The following LMOD1 variants were observed in gnomAD, a reference collection of about 807,000 sequenced individuals.
The protein encoded by LMOD1 is leiomodin 1, also known as leiomodin-1.
A neutral mutation model predicts 36.5 loss-of-function variants in LMOD1; 8 were observed. That is an observed-to-expected ratio of 0.22 (90% CI 0.13 to 0.40). The LOEUF is 0.40. Ranked by LOEUF, LMOD1 falls within the 10% of genes least tolerant of loss-of-function variation. LMOD1 has a pLI of 1.00. For synonymous variants in LMOD1, 284 were observed against 288.7 expected (o/e 0.98, Z 0.17); for missense variants, 630 against 751.1 (o/e 0.84, Z 1.88).
intron 1 of LMOD1, among the ~76,000 whole-genome samples, chr1:201,918,578 C>T (rs938892379): frequency 1.4e-4 from 21 of 152,160 alleles, no homozygotes; most frequent in Admixed American, 1.4e-3. Context: ...CCATGCTGGG[C>T]TCTCTTGGGT....
chr1:201,927,451 A>C (rs1412993703), intron 1 of LMOD1, among the ~76,000 whole-genome samples: 2 of 152,112 alleles, frequency 1.3e-5, no homozygotes, highest in African/African-American at 2.4e-5. Context: ...CTGTAATCCC[A>C]GCTACTCAGG....
chr1:201,931,548 A>AAG (rs1681922787), intron 1 of LMOD1, among the ~76,000 whole-genome samples: 2 of 151,686 alleles, frequency 1.3e-5, no homozygotes, highest in Admixed American at 1.3e-4. Flanking sequence ...AAAAAAAAAA[A>AAG]AAAAAAGGGA....
rs1280095456 is a variant in LMOD1 at position 201,934,171 on chromosome 1, G to A, written c.261+11909C>T. Among the ~76,000 whole-genome samples, 5 of 152,204 alleles carry A rather than the reference G, an allele frequency of 3.3e-5. No homozygotes were observed. In the South Asian group the frequency reaches 6.2e-4, roughly 19 times the overall value. ...CTCATGCCAGATTTCATGTCCGGAA[G>A]TACTTTCATGTTTTCTCTGCCCTCA... On this transcript the variant is annotated intron_variant, in intron 1 of 2. Transcript: ENST00000367288.
At chr1:201,912,312 C>G (rs1681508361) in intron 1 of LMOD1, among the ~76,000 whole-genome samples, 1 of 152,156 alleles carries the variant, frequency 6.6e-6, no homozygotes, top group African/African-American at 2.4e-5. Context: ...TACTCATGGT[C>G]CAGGATCAAT....
rs939849634 is a variant in LMOD1, at chr1:201,939,994, C to A, written c.261+6086G>T. Among the ~76,000 whole-genome samples, 3 of 152,098 alleles carry A rather than the reference C, an allele frequency of 2.0e-5. No individual in the cohort carries two copies. The East Asian group carries it at 5.8e-4, about 29-fold the overall frequency. ...GTCCCAGCCTGGGGACCATGAAGCT[C>A]CCAGAATCCCTGAAGCCTCCAGCCT... is the stretch of plus-strand genomic sequence containing the variant. On this transcript the variant is annotated intron_variant, in intron 1 of 2. Coordinates refer to ENST00000367288, the MANE Select transcript of LMOD1 (RefSeq NM_012134.3).
chr1:201,929,892 G>T (rs1681890169), intron 1 of LMOD1, among the ~76,000 whole-genome samples: 1 of 152,180 alleles, frequency 6.6e-6, no homozygotes, highest in African/African-American at 2.4e-5. Context: ...ACTTGCAGGA[G>T]GTGCTTTGTG....
intron 1 of LMOD1, among the ~76,000 whole-genome samples, chr1:201,911,981 G>A (rs1219367044): frequency 6.6e-6 from 1 of 152,200 alleles, no homozygotes; most frequent in Non-Finnish European, 1.5e-5. Flanking sequence ...AGGCCTGGCT[G>A]AGCACTAACA....
chr1:201,913,570 G>A (rs1288715812), intron 1 of LMOD1, among the ~76,000 whole-genome samples: 2 of 152,184 alleles, frequency 1.3e-5, no homozygotes, highest in Non-Finnish European at 2.9e-5. Context: ...TTGCACGACT[G>A]CACTCCAGCC....
chr1:201,929,548 T>C (rs960722735), intron 1 of LMOD1, among the ~76,000 whole-genome samples: 10 of 152,238 alleles, frequency 6.6e-5, no homozygotes, highest in Admixed American at 1.3e-4. Context: ...ACTGATTTAA[T>C]TGGTTATTTT....
In LMOD1 at chr1:201,899,489, G is replaced by A; in HGVS notation, c.1524C>T (p.Ser508=). The change falls in exon 2 of 3, where the codon TCC becomes TCT. Residue 508 remains serine (S), a synonymous_variant. Coordinates refer to ENST00000367288, the MANE Select transcript of LMOD1 (RefSeq NM_012134.3). The surrounding 1 kb of genome is among the most constrained non-coding windows in gnomAD (Gnocchi z 6.3). ...VPKAGAVAKG[S]PKPSPQPSPK... is the part of the protein sequence containing the mutation. The stretch of plus-strand genomic sequence containing the variant: ...GAGATGGTTGAGGTGAAGGTTTTGG[G>A]GAGCCCTTAGCCACGGCCCCGGCCT... 3 of 1,613,988 alleles carry A rather than the reference G, an allele frequency of 1.9e-6. No homozygotes were observed. Among genetic ancestry groups the A allele is most frequent in the South Asian group, 1.1e-5 (1 of 91,076 alleles).
chr1:201,942,666 C>G (rs1455071120), intron 1 of LMOD1, among the ~76,000 whole-genome samples: 1 of 151,248 alleles, frequency 6.6e-6, no homozygotes, highest in Non-Finnish European at 1.5e-5. Flanking sequence ...ATGTTGGTTT[C>G]TTTCTTTCTT....
At position 201,929,000 on chromosome 1, in the gene LMOD1, G is replaced by A. The variant is rs1314492538; in HGVS notation, c.261+17080C>T. Among the ~76,000 whole-genome samples the A allele has an allele frequency of 3.3e-5, 5 of 152,158 alleles. No individual in the cohort carries two copies. In the East Asian group the frequency reaches 9.6e-4, roughly 29 times the overall value. ...CCCAAAGTGCTGGGATTGCAGGCAT[G>A]AGCCACCACACCCGGCCTGCAAAAA... On this transcript the variant is annotated intron_variant, in intron 1 of 2. Transcript: ENST00000367288.
At chr1:201,934,122 G>T (rs1383665288) in intron 1 of LMOD1, among the ~76,000 whole-genome samples, 1 of 152,216 alleles carries the variant, frequency 6.6e-6, no homozygotes, top group Non-Finnish European at 1.5e-5. Context: ...AGCTCTGGCA[G>T]CTGGCTGTTG....
intron 1 of LMOD1, among the ~76,000 whole-genome samples, chr1:201,924,575 AGGAAGGAAGGAGGGAGGGAG>A (rs1325291187): frequency 7.8e-6 from 1 of 128,262 alleles, no homozygotes; most frequent in Non-Finnish European, 1.7e-5. Flanking sequence ...GAGGGAAGGA[AGGAAGGAAGGAGGGAGGGAG>A]GGAAGGAAGG....
At chr1:201,924,701 GAAA>G (rs1681794116) in intron 1 of LMOD1, among the ~76,000 whole-genome samples, 1 of 126,426 alleles carries the variant, frequency 7.9e-6, no homozygotes, top group African/African-American at 2.7e-5. Context: ...AAGAAAGAAA[GAAA>G]GAAAGAAAGA....
intron 1 of LMOD1, among the ~76,000 whole-genome samples, chr1:201,922,496 C>T (rs548401851): frequency 9.2e-5 from 14 of 152,168 alleles, no homozygotes; most frequent in Admixed American, 2.6e-4. Flanking sequence ...ACATATTTTA[C>T]GATTCCATGT....
chr1:201,901,588 A>G (rs1437258460), intron 1 of LMOD1, among the ~76,000 whole-genome samples: 4 of 23,774 alleles, frequency 1.7e-4, no homozygotes, highest in Non-Finnish European at 3.4e-4. Context: ...ATATATACAT[A>G]TATATATGTA....
intron 1 of LMOD1, among the ~76,000 whole-genome samples, chr1:201,945,230 T>C (rs1400935648): frequency 6.6e-6 from 1 of 152,100 alleles, no homozygotes; most frequent in Non-Finnish European, 1.5e-5. Flanking sequence ...AATTCCTCCA[T>C]GCCAACTCAG....
At chr1:201,924,610 AAAAG>A (rs1422102599) in intron 1 of LMOD1, among the ~76,000 whole-genome samples, 3 of 150,684 alleles carry the variant, frequency 2.0e-5, no homozygotes, top group Non-Finnish European at 3.0e-5. Context: ...GGAAGGAAGG[AAAAG>A]AAAGAAGAAA....
Sources: allele counts gnomAD v4.1 joint callset (sites outside exome capture counted in the v4.1 genomes callset), GRCh38; gene constraint gnomAD v4.1.1; non-coding constraint Gnocchi (gnomAD v3.1); transcripts MANE v1.5; gene names NCBI Gene and HGNC (gene_info 2026-07-23, HGNC 2026-07-21).